Variants in CNTNAP3 observed in about 807,000 individuals in gnomAD.
CNTNAP3 encodes contactin associated protein family member 3, also known as contactin-associated protein-like 3.
In CNTNAP3, 36 loss-of-function variants were observed where a neutral mutation model predicts 92.1. That is an observed-to-expected ratio of 0.39 (90% CI 0.30 to 0.52). The LOEUF is 0.52. Ranked by LOEUF, CNTNAP3 falls within the 20% of genes least tolerant of loss-of-function variation. The probability of loss-of-function intolerance (pLI) is 0.76; values close to 1 mark genes in which losing one functional copy is unlikely to be tolerated. For missense variants in CNTNAP3, 534 were observed against 1,069.6 expected (o/e 0.50, Z 6.98); for synonymous variants, 232 against 422.3 (o/e 0.55, Z 5.53).
At chr9:39,102,825 G>A (rs1331138198) in intron 16 of CNTNAP3, 110 bp from the exon 17 acceptor site, 87 of 1,324,328 alleles carry the variant, frequency 6.6e-5, no homozygotes, top group Non-Finnish European at 8.6e-5. Flanking sequence ...GATAATGACG[G>A]CGATGCAGAA....
Position 39,073,388 on chromosome 9 carries a change from A to G in CNTNAP3, c.*502T>C. 3.2e-6 allele frequency: 1 copy of G among 311,896 alleles called. No homozygotes were observed. The highest frequency in any genetic ancestry group is 6.0e-6 in the Non-Finnish European group (1 of 165,292). The allele number at this position is 311,896 out of a possible 1,614,324, so 19.3% of individuals were successfully genotyped here. Reference sequence around the variant, plus strand: ...TAGTCCAAGAAGCATTTCTTGTTTTATAAATATCAGCAGAGGACCAAAAAA... The same window carrying G: ...TAGTCCAAGAAGCATTTCTTGTTTTGTAAATATCAGCAGAGGACCAAAAAA... On this transcript the variant is annotated 3_prime_UTR_variant, in exon 24 of 24. Transcript: ENST00000297668.
chr9:39,226,930 GTA>G lies in CNTNAP3; in HGVS notation c.390+12061_390+12062del, dbSNP rs1180542194. The stretch of plus-strand genomic sequence containing the variant: ...CTGCATAGTATTCCATGGTGTGTAT[GTA>G]TATGTGTGTATATATATATACCATA... On this transcript the variant is annotated intron_variant, in intron 3 of 23. Coordinates refer to ENST00000297668, the MANE Select transcript of CNTNAP3 (RefSeq NM_033655.5). Among the ~76,000 whole-genome samples, 225 of 7,866 alleles carry G rather than the reference GTA, an allele frequency of 0.029. 77 individuals are homozygous for G. In the East Asian group the frequency reaches 0.67, roughly 23 times the overall value. 5.2% of individuals were successfully genotyped at this position (7,866 alleles called of 152,430 possible). A position where few individuals can be genotyped will look rare whatever the true frequency, so the allele number is the denominator to read the frequency against.
chr9:39,102,202 C>T (rs1296453778), intron 17 of CNTNAP3, among the ~76,000 whole-genome samples: 4 of 152,212 alleles, frequency 2.6e-5, no homozygotes, highest in African/African-American at 7.2e-5. Flanking sequence ...ATCGCTTGAA[C>T]CCGGCAGGTG....
intron 14 of CNTNAP3, 70 bp from the exon 15 acceptor site, chr9:39,109,357 T>C: frequency 1.9e-6 from 3 of 1,584,146 alleles, no homozygotes; most frequent in Non-Finnish European, 1.7e-6. Context: ...CTCTGATCTC[T>C]TATCTCAATT....
At position 39,073,261 on chromosome 9, in the gene CNTNAP3, AAC is replaced by A. The variant is rs1218221029; in HGVS notation, c.*627_*628del. The A allele has an allele frequency of 6.0e-6, 1 of 166,654 alleles. No homozygotes were observed. The highest frequency in any genetic ancestry group is 5.5e-5 in the Admixed American group (1 of 18,136). The allele number at this position is 166,654 out of a possible 1,614,324, so 10.3% of individuals were successfully genotyped here. ...AATAATGGTAGTGTTTCCAGGCTTC[AAC>A]TGTGTTGTATTAACCATCACACAGG... On this transcript the variant is annotated 3_prime_UTR_variant, in exon 24 of 24. Coordinates refer to ENST00000297668, the MANE Select transcript of CNTNAP3 (RefSeq NM_033655.5).
intron 14 of CNTNAP3, among the ~76,000 whole-genome samples, chr9:39,114,081 CTTT>C (rs963951891): frequency 3.8e-5 from 5 of 130,296 alleles, no homozygotes; most frequent in Non-Finnish European, 8.2e-5. Context: ...CACACACATA[CTTT>C]TTTTTTTTTT....
intron 13 of CNTNAP3, among the ~76,000 whole-genome samples, chr9:39,119,188 T>C (rs533947795): frequency 1.3e-5 from 2 of 152,214 alleles, no homozygotes; most frequent in Admixed American, 6.5e-5. Flanking sequence ...TGCTTGATCA[T>C]GTGGTGCTGT....
At chr9:39,079,019 T>A (rs1308378123) in intron 21 of CNTNAP3, 99 bp from the exon 22 acceptor site, 1 of 1,487,226 alleles carries the variant, frequency 6.7e-7, no homozygotes, top group Non-Finnish European at 9.0e-7. Flanking sequence ...GTTCCTTCAC[T>A]CCAGGAGAGG....
intron 13 of CNTNAP3, among the ~76,000 whole-genome samples, chr9:39,127,282 A>C (rs1821173730): frequency 6.6e-6 from 1 of 152,084 alleles, no homozygotes; most frequent in African/African-American, 2.4e-5. Flanking sequence ...ATGTAGGTAA[A>C]ACTGTGTTGA....
intron 13 of CNTNAP3, 43 bp downstream of exon 13, chr9:39,132,889 C>G: frequency 6.6e-7 from 1 of 1,510,736 alleles, no homozygotes; most frequent in Non-Finnish European, 8.8e-7. Flanking sequence ...AGGGCCGCGC[C>G]CCGGCCCCGT....
Position 39,132,823 on chromosome 9 carries a change from T to G in CNTNAP3, c.2080+109A>C, listed in dbSNP as rs1239005511. 3.8e-6 allele frequency: 5 copies of G among 1,300,078 alleles called. No individual in the cohort carries two copies. The African/African-American group carries it at 6.3e-5, about 16-fold the overall frequency. The allele number at this position is 1,300,078 out of a possible 1,614,324, so 80.5% of individuals were successfully genotyped here. A position where few individuals can be genotyped will look rare whatever the true frequency, so the allele number is the denominator to read the frequency against. ...GGAGAGAGTGGTCAGGGCTTTGAAC[T>G]AAGAGCCACGGGAGGGACCCTGGCC... On this transcript the variant is annotated intron_variant, in intron 13 of 23. Coordinates refer to ENST00000297668, the MANE Select transcript of CNTNAP3 (RefSeq NM_033655.5).
intron 9 of CNTNAP3, chr9:39,155,478 GTTTGAT>G (rs1178883301): frequency 6.9e-6 from 1 of 145,380 alleles, no homozygotes; most frequent in East Asian, 2.0e-4. Context: ...GGTGGAACAA[GTTTGAT>G]TTTAAGAACT....
intron 21 of CNTNAP3, among the ~76,000 whole-genome samples, chr9:39,081,059 C>T (rs1825919929): frequency 6.6e-6 from 1 of 151,248 alleles, no homozygotes; most frequent in Non-Finnish European, 1.5e-5. Context: ...TAATAAATGA[C>T]TTAATTAGAA....
At chr9:39,120,881 C>A (rs1183346658) in intron 13 of CNTNAP3, among the ~76,000 whole-genome samples, 1 of 151,942 alleles carries the variant, frequency 6.6e-6, no homozygotes, top group African/African-American at 2.4e-5. Flanking sequence ...TTTGAAATGA[C>A]ATATGATAAT....
At chr9:39,115,158 A>G (rs1255599735) in intron 14 of CNTNAP3, among the ~76,000 whole-genome samples, 1 of 151,546 alleles carries the variant, frequency 6.6e-6, no homozygotes, top group Non-Finnish European at 1.5e-5. Context: ...AACTTACGGA[A>G]AAATGGCGAT....
At chr9:39,115,043 T>G (rs1431751374) in intron 14 of CNTNAP3, among the ~76,000 whole-genome samples, 1 of 151,756 alleles carries the variant, frequency 6.6e-6, no homozygotes, top group Admixed American at 6.6e-5. Flanking sequence ...ATCTTTGGCA[T>G]GTTATAGTTA....
chr9:39,134,941 C>T (rs2990093), intron 12 of CNTNAP3, among the ~76,000 whole-genome samples: 1 of 152,146 alleles, frequency 6.6e-6, no homozygotes, highest in African/African-American at 2.4e-5. Flanking sequence ...TCACATAGGC[C>T]GGTGGGCAGT....
intron 11 of CNTNAP3, among the ~76,000 whole-genome samples, chr9:39,143,151 T>C (rs1692966): frequency 2.8e-4 from 39 of 138,344 alleles, no homozygotes; most frequent in African/African-American, 1.1e-3. Context: ...GTCAATAAAA[T>C]GGCATGGCCT....
intron 15 of CNTNAP3, among the ~76,000 whole-genome samples, chr9:39,107,263 G>T (rs1368307814): frequency 4.0e-5 from 6 of 149,874 alleles, no homozygotes; most frequent in Non-Finnish European, 7.4e-5. Context: ...GAAAAAGAAA[G>T]AAAGAAAAGA....
Sources: gnomAD v4.1 joint callset for allele counts (sites outside exome capture counted in the v4.1 genomes callset) on GRCh38, gnomAD v4.1.1 for gene constraint, MANE v1.5 for transcripts, NCBI Gene and HGNC (gene_info 2026-07-23, HGNC 2026-07-21) for gene names.